RNF157: variants seen among roughly 807,000 people sequenced by gnomAD.
RNF157 encodes E3 ubiquitin ligase RNF157.
Under a neutral mutation model 88.3 loss-of-function variants are expected in RNF157, and 55 were observed. The ratio of observed to expected loss-of-function variants is 0.62; its 90% CI spans 0.50 to 0.78. The LOEUF (loss-of-function observed/expected upper bound fraction) is 0.78, where lower values mean the gene tolerates loss of function less well. RNF157 is among the 30% of genes least tolerant of loss of function. RNF157 has a pLI of 0.00. For synonymous variants in RNF157, 334 were observed against 341.2 expected (o/e 0.98, Z 0.23); for missense variants, 788 against 860.8 (o/e 0.92, Z 1.06).
rs1232345125 is a variant in RNF157 at position 76,212,448 on chromosome 17, T to C, written c.123A>G (p.Gly41=). 6.2e-7 allele frequency: 1 copy of C among 1,613,340 alleles called. No homozygotes were observed. Residue 41 remains glycine, a synonymous_variant, in exon 2 of 19, where the codon GGA becomes GGG. Transcript: ENST00000269391. ...CAGGATGAGTTGAGTCAAACTTCTCTCCTCCCATAATGAAGTGGCTGGCAA... is the reference window on the plus strand; with the variant it reads ...CAGGATGAGTTGAGTCAAACTTCTCCCCTCCCATAATGAAGTGGCTGGCAA... The part of the protein sequence containing the change: ...SYFASHFIMG[G]EKFDSTHPEG...
At chr17:76,152,554 C>G in intron 17 of RNF157, 89 bp from the exon 18 acceptor site, 1 of 735,460 alleles carries the variant, frequency 1.4e-6, no homozygotes, top group Admixed American at 2.2e-5. Context: ...AGGATGGAGA[C>G]AAAAAAAATC....
At chr17:76,183,184 G>C (rs1057113506) in intron 2 of RNF157, among the ~76,000 whole-genome samples, 1 of 148,638 alleles carries the variant, frequency 6.7e-6, no homozygotes, top group Non-Finnish European at 1.5e-5. Flanking sequence ...CGATCCGCCC[G>C]CCTCAGCCTC....
intron 2 of RNF157, among the ~76,000 whole-genome samples, chr17:76,187,902 T>G (rs1390782387): frequency 6.6e-6 from 1 of 152,154 alleles, no homozygotes; most frequent in Non-Finnish European, 1.5e-5. Flanking sequence ...CCAGCCCTGA[T>G]AGTTCTATTT....
chr17:76,185,414 G>T (rs1297224218), intron 2 of RNF157, among the ~76,000 whole-genome samples: 2 of 152,030 alleles, frequency 1.3e-5, no homozygotes, highest in African/African-American at 4.8e-5. Context: ...AGCAGACACA[G>T]TCATCTTTTC....
chr17:76,167,209 T>A, intron 4 of RNF157, 83 bp from the exon 5 acceptor site: 1 of 953,806 alleles, frequency 1.0e-6, no homozygotes, highest in Non-Finnish European at 1.7e-6. Context: ...ATGCCTGTTC[T>A]CAATTATCAA....
intron 2 of RNF157, among the ~76,000 whole-genome samples, chr17:76,203,762 T>C (rs1205574929): frequency 1.4e-5 from 2 of 147,200 alleles, no homozygotes; most frequent in South Asian, 2.1e-4. Flanking sequence ...TGTAAAAAGT[T>C]TTGTTGCTTT....
chr17:76,221,737 T>C (rs988579293), intron 1 of RNF157, among the ~76,000 whole-genome samples: 1 of 152,064 alleles, frequency 6.6e-6, no homozygotes, highest in South Asian at 2.1e-4. Context: ...TTTATAATAA[T>C]CAAAAGGTGG....
intron 3 of RNF157, among the ~76,000 whole-genome samples, chr17:76,169,240 T>C (rs901971833): frequency 2.6e-5 from 4 of 152,138 alleles, no homozygotes; most frequent in African/African-American, 9.7e-5. Context: ...TATTTCAAGT[T>C]TTCTTCCTAT....
At chr17:76,155,149 G>A (rs754224571) in intron 16 of RNF157, 103 bp downstream of exon 16, 11 of 984,156 alleles carry the variant, frequency 1.1e-5, no homozygotes, top group African/African-American at 3.2e-5. Context: ...GGAAGGCTTC[G>A]TCAGCGCAGC....
chr17:76,158,532 T>G (rs772398605), intron 12 of RNF157, 31 bp from the exon 13 acceptor site: 1 of 1,454,552 alleles, frequency 6.9e-7, no homozygotes, highest in African/African-American at 1.4e-5. Flanking sequence ...AGCAGCTATA[T>G]CCAACGTCCA....
chr17:76,158,198 A>C (rs2068794152), intron 13 of RNF157, among the ~76,000 whole-genome samples, 195 bp downstream of exon 13: 1 of 152,222 alleles, frequency 6.6e-6, no homozygotes, highest in African/African-American at 2.4e-5. Context: ...AGCATATAGC[A>C]CAGTGCCTGG....
At chr17:76,192,564 ACT>A (rs576023106) in intron 2 of RNF157, among the ~76,000 whole-genome samples, 10 of 152,108 alleles carry the variant, frequency 6.6e-5, no homozygotes, top group Non-Finnish European at 1.2e-4. Context: ...GCCCATGGTG[ACT>A]CTTTAGATTT....
chr17:76,144,852 C>A lies in RNF157; in HGVS notation c.*383G>T, dbSNP rs1049829384. On this transcript the variant is annotated 3_prime_UTR_variant, in exon 19 of 19. Coordinates refer to ENST00000269391, the MANE Select transcript of RNF157 (RefSeq NM_052916.3). ...CCAATTGGTTATGATGTGCCAGAGA[C>A]CAGGAAATGCCAGAGGGATGTTTGT... The A allele has an allele frequency of 5.7e-6, 1 of 174,674 alleles. No homozygotes were observed. Among genetic ancestry groups the A allele is most frequent in the African/African-American group, 2.4e-5 (1 of 42,268 alleles). The allele number at this position is 174,674 out of a possible 1,614,324, so 10.8% of individuals were successfully genotyped here. A position where few individuals can be genotyped will look rare whatever the true frequency, so the allele number is the denominator to read the frequency against.
In RNF157 at chr17:76,172,607, C is replaced by CAAAAAAAAAAAAAA. The variant is rs35297368; in HGVS notation, c.296+1081_296+1094dup. On this transcript the variant is annotated intron_variant, in intron 3 of 18. Transcript: ENST00000269391. The stretch of plus-strand genomic sequence containing the variant: ...GGGCAACAAGAGCAAAACTCCATCT[C>CAAAAAAAAAAAAAA]AAAAAAAAAAAAAAAAAAAAAAAAA... Among the ~76,000 whole-genome samples the CAAAAAAAAAAAAAA allele has an allele frequency of 7.3e-4, 23 of 31,716 alleles. 2 individuals carry two copies. Among genetic ancestry groups the CAAAAAAAAAAAAAA allele is most frequent in the African/African-American group, 2.7e-3 (22 of 8,084 alleles). The allele number at this position is 31,716 out of a possible 152,430, so 20.8% of individuals were successfully genotyped here.
intron 1 of RNF157, among the ~76,000 whole-genome samples, chr17:76,218,948 A>T (rs894824024): frequency 1.2e-4 from 18 of 152,032 alleles, no homozygotes; most frequent in Non-Finnish European, 2.1e-4. Context: ...AAATAAAAAA[A>T]AATAAAAAAT....
At chr17:76,212,076 G>A (rs2145025157) in intron 2 of RNF157, 2 of 223,760 alleles carry the variant, frequency 8.9e-6, no homozygotes, top group South Asian at 1.5e-4. Context: ...AAAAAAAAAA[G>A]GTAAGCCCTT....
At chr17:76,179,678 C>T (rs1024995540) in intron 2 of RNF157, among the ~76,000 whole-genome samples, 10 of 152,094 alleles carry the variant, frequency 6.6e-5, no homozygotes, top group South Asian at 2.1e-4. Context: ...GGGCAACAAG[C>T]GAGACTCTGT....
intron 1 of RNF157, among the ~76,000 whole-genome samples, chr17:76,221,665 A>G (rs550161193): frequency 9.8e-5 from 15 of 152,338 alleles, no homozygotes; most frequent in African/African-American, 3.6e-4. Context: ...TAAAATAACT[A>G]TAAGAAATAA....
At chr17:76,162,519 AAGAGTACATTC>A (rs772801011) in intron 9 of RNF157, 22 bp downstream of exon 9, 2 of 1,542,184 alleles carry the variant, frequency 1.3e-6, no homozygotes, top group South Asian at 2.3e-5. Flanking sequence ...GCCTCCTGGA[AAGAGTACATTC>A]AGAATTTTGG....
Sources: gnomAD v4.1 joint callset for allele counts (sites outside exome capture counted in the v4.1 genomes callset) on GRCh38, gnomAD v4.1.1 for gene constraint, MANE v1.5 for transcripts, NCBI Gene and HGNC (gene_info 2026-07-23, HGNC 2026-07-21) for gene names.